The following ENTREP2 variants were observed in gnomAD, a reference collection of about 807,000 sequenced individuals.
The protein encoded by ENTREP2 is protein ENTREP2.
chr15:29,606,027 CATTTTT>C, the ENTREP2 span, among the ~76,000 whole-genome samples: 2 of 151,966 alleles, frequency 1.3e-5, no homozygotes, highest in Admixed American at 6.6e-5. Context: ...GACTTGTTTT[CATTTTT>C]ATTTTTATAG....
the ENTREP2 span, among the ~76,000 whole-genome samples, chr15:29,631,156 G>A: frequency 6.6e-6 from 1 of 152,020 alleles, no homozygotes; most frequent in South Asian, 2.1e-4. Flanking sequence ...GACTTTCTAT[G>A]TTTACTTGTT....
the ENTREP2 span, among the ~76,000 whole-genome samples, chr15:29,503,736 G>A: frequency 6.6e-6 from 1 of 152,118 alleles, no homozygotes; most frequent in Admixed American, 6.5e-5. Flanking sequence ...GACAATTAAT[G>A]AATATGCAGC....
chr15:29,657,941 A>G, the ENTREP2 span, among the ~76,000 whole-genome samples: 2 of 152,330 alleles, frequency 1.3e-5, no homozygotes, highest in Admixed American at 1.3e-4. Flanking sequence ...AACAGCATCA[A>G]TGAATCTCAA....
At chr15:29,474,557 G>T in the ENTREP2 span, among the ~76,000 whole-genome samples, 2 of 147,218 alleles carry the variant, frequency 1.4e-5, no homozygotes, top group African/African-American at 5.3e-5. Flanking sequence ...TTCTGTTGTT[G>T]TTTTTTTTTC....
the ENTREP2 span, among the ~76,000 whole-genome samples, chr15:29,499,729 A>T: frequency 6.6e-6 from 1 of 152,288 alleles, no homozygotes; most frequent in African/African-American, 2.4e-5. Context: ...CTGATAGTGA[A>T]GTGTAAGTAA....
At chr15:29,613,192 T>C in the ENTREP2 span, 2 of 164,232 alleles carry the variant, frequency 1.2e-5, no homozygotes, top group African/African-American at 2.4e-5. Flanking sequence ...TGCTATCTCC[T>C]TGTTGATAGA....
At chr15:29,259,403 G>A in the ENTREP2 span, among the ~76,000 whole-genome samples, 1 of 152,248 alleles carries the variant, frequency 6.6e-6, no homozygotes, top group African/African-American at 2.4e-5. Context: ...CACATCCCTA[G>A]GATGGCTCTA....
chr15:29,442,650 C>A, the ENTREP2 span, among the ~76,000 whole-genome samples: 1 of 152,278 alleles, frequency 6.6e-6, no homozygotes, highest in Non-Finnish European at 1.5e-5. Context: ...CCTCGAGAGC[C>A]CACCTGGCCA....
At chr15:29,326,602 T>C in the ENTREP2 span, among the ~76,000 whole-genome samples, 1 of 152,190 alleles carries the variant, frequency 6.6e-6, no homozygotes, top group Non-Finnish European at 1.5e-5. Flanking sequence ...TCCATGTTCA[T>C]GGACAGAAAG....
At chr15:29,195,080 TG>T in the ENTREP2 span, 4 of 975,578 alleles carry the variant, frequency 4.1e-6, no homozygotes, top group South Asian at 1.9e-4. Context: ...AGGTAGAATG[TG>T]GGCGTAGGTA....
the ENTREP2 span, chr15:29,569,690 A>G: frequency 1.3e-5 from 2 of 152,232 alleles, no homozygotes; most frequent in African/African-American, 4.8e-5. Flanking sequence ...ATGCTACAAA[A>G]CGCCAAAAAT....
At chr15:29,549,416 C>T in the ENTREP2 span, among the ~76,000 whole-genome samples, 2 of 151,928 alleles carry the variant, frequency 1.3e-5, no homozygotes, top group Non-Finnish European at 1.5e-5. Flanking sequence ...ACTACAGGCG[C>T]CCACCACCAC....
At chr15:29,412,071 T>G in the ENTREP2 span, among the ~76,000 whole-genome samples, 3 of 152,164 alleles carry the variant, frequency 2.0e-5, no homozygotes, top group Non-Finnish European at 4.4e-5. Context: ...TCATATAATT[T>G]TACAATTAGG....
chr15:29,466,316 A>G, the ENTREP2 span, among the ~76,000 whole-genome samples: 1 of 152,196 alleles, frequency 6.6e-6, no homozygotes, highest in African/African-American at 2.4e-5. Context: ...CTGGGTGGAG[A>G]TGGTCAGCAG....
the ENTREP2 span, among the ~76,000 whole-genome samples, chr15:29,612,138 T>C: frequency 6.6e-6 from 1 of 152,250 alleles, no homozygotes; most frequent in Non-Finnish European, 1.5e-5. Context: ...CTTTGCATTG[T>C]TGACCATTGT....
the ENTREP2 span, among the ~76,000 whole-genome samples, chr15:29,647,646 G>A: frequency 2.1e-4 from 32 of 152,076 alleles, no homozygotes; most frequent in African/African-American, 7.2e-4. Flanking sequence ...ATACCTCAGA[G>A]ACACCTTATA....
chr15:29,261,572 T>A, the ENTREP2 span, among the ~76,000 whole-genome samples: 1 of 152,168 alleles, frequency 6.6e-6, no homozygotes, highest in Non-Finnish European at 1.5e-5. Context: ...AAAGGACACT[T>A]GGAACATACC....
the ENTREP2 span, among the ~76,000 whole-genome samples, chr15:29,667,551 G>A: frequency 2.9e-5 from 4 of 137,436 alleles, no homozygotes; most frequent in Non-Finnish European, 6.2e-5. Context: ...GAGTGCAATG[G>A]CGTGTGGTCT....
chr15:29,495,581 C>A, the ENTREP2 span, among the ~76,000 whole-genome samples: 344 of 152,126 alleles, frequency 2.3e-3, 1 homozygote, highest in African/African-American at 7.7e-3. Flanking sequence ...TGTCAGATAA[C>A]TCTCCAATTT....
Sources: gnomAD v4.1 joint callset for allele counts (sites outside exome capture counted in the v4.1 genomes callset) on GRCh38, gnomAD v4.1.1 for gene constraint, MANE v1.5 for transcripts, NCBI Gene and HGNC (gene_info 2026-07-23, HGNC 2026-07-21) for gene names.